HIVEP1: variants seen among roughly 807,000 people sequenced by gnomAD.
HIVEP1 encodes the protein zinc finger protein 40.
In HIVEP1, 36 loss-of-function variants were observed where a neutral mutation model predicts 180.0. The observed-to-expected ratio is 0.20, with a 90% CI of 0.15 to 0.26. The LOEUF (loss-of-function observed/expected upper bound fraction) is 0.26, where lower values mean the gene tolerates loss of function less well. Ranked by LOEUF, HIVEP1 falls within the 10% of genes least tolerant of loss-of-function variation. HIVEP1 has a pLI of 1.00. For missense variants in HIVEP1, 3,143 were observed against 3,268.7 expected (o/e 0.96, Z 0.94); for synonymous variants, 1,239 against 1,239.0 (o/e 1.00, Z 0.00).
intron 4 of HIVEP1, among the ~76,000 whole-genome samples, chr6:12,128,741 T>C (rs1219096554): frequency 1.3e-5 from 2 of 152,034 alleles, no homozygotes; most frequent in Non-Finnish European, 2.9e-5. Flanking sequence ...CATAAGGTGG[T>C]ATTATATTAT....
chr6:12,081,502 A>G (rs1191281172), intron 2 of HIVEP1, among the ~76,000 whole-genome samples: 1 of 151,904 alleles, frequency 6.6e-6, no homozygotes, highest in African/African-American at 2.4e-5. Context: ...TTCACCTAAC[A>G]TTCCTTCTGT....
chr6:12,198,992 G>A, the HIVEP1 span, among the ~76,000 whole-genome samples: 6 of 152,210 alleles, frequency 3.9e-5, no homozygotes, highest in Middle Eastern at 3.2e-3. Flanking sequence ...GGTGGCTTGA[G>A]CCAGGATGTC....
intron 3 of HIVEP1, among the ~76,000 whole-genome samples, chr6:12,092,275 A>G (rs181709780): frequency 2.3e-4 from 35 of 152,260 alleles, no homozygotes; most frequent in Admixed American, 1.2e-3. Context: ...CCCCCAAACA[A>G]TATATTTTCT....
chr6:12,045,484 GC>G (rs780676077), intron 2 of HIVEP1, among the ~76,000 whole-genome samples: 2 of 152,240 alleles, frequency 1.3e-5, no homozygotes, highest in African/African-American at 2.4e-5. Context: ...TAGAAAGGAG[GC>G]CCAGGACCAC....
In HIVEP1 at chr6:12,026,606, G is replaced by T. The variant is rs537539691; in HGVS notation, c.40+10938G>T. Among the ~76,000 whole-genome samples, 8 of 152,274 alleles carry T rather than the reference G, an allele frequency of 5.3e-5. No individual in the cohort carries two copies. The South Asian group carries it at 1.5e-3, about 28-fold the overall frequency. On this transcript the variant is annotated intron_variant, in intron 2 of 8. Transcript: ENST00000379388. ...TTTATGGTAATTATAAAATTACCAG[G>T]TCAAGGTCTTTTATACTGCCAGGTG...
At chr6:12,011,491 C>T (rs1767298731), upstream of HIVEP1, among the ~76,000 whole-genome samples, 1 of 151,426 alleles carries the variant, frequency 6.6e-6, no homozygotes, top group Non-Finnish European at 1.5e-5. Flanking sequence ...TGGCCGGGCC[C>T]GCCCCTCCGC....
At chr6:12,052,393 A>C (rs1035757751) in intron 2 of HIVEP1, among the ~76,000 whole-genome samples, 1 of 152,226 alleles carries the variant, frequency 6.6e-6, no homozygotes, top group Non-Finnish European at 1.5e-5. Flanking sequence ...CATTTAAAAA[A>C]TTAATGTTCT....
intron 6 of HIVEP1, among the ~76,000 whole-genome samples, chr6:12,132,942 G>A (rs1453979211): frequency 6.6e-6 from 1 of 152,014 alleles, no homozygotes; most frequent in Non-Finnish European, 1.5e-5. Context: ...TTAAATAATA[G>A]TAGACCTTTT....
Position 12,164,503 on chromosome 6 carries a change from A to C in HIVEP1, c.*42A>C. ...TTTGCTTTTTTTTTATATAACACTT[A>C]AAGGTTTCTTTGAAAACCCTCCTTT... On this transcript the variant is annotated 3_prime_UTR_variant, in exon 9 of 9. Transcript: ENST00000379388. 1.4e-6 allele frequency: 2 copies of C among 1,453,498 alleles called. No individual in the cohort carries two copies. Among genetic ancestry groups the C allele is most frequent in the Non-Finnish European group, 9.3e-7 (1 of 1,078,956 alleles). The allele number at this position is 1,453,498 out of a possible 1,614,324, so 90.0% of individuals were successfully genotyped here.
At chr6:12,057,552 C>G (rs1770960563) in intron 2 of HIVEP1, among the ~76,000 whole-genome samples, 2 of 152,078 alleles carry the variant, frequency 1.3e-5, no homozygotes, top group South Asian at 4.1e-4. Context: ...AAGAGGTTAC[C>G]TCCATTGTTC....
chr6:12,018,125 T>C (rs1337848053), intron 2 of HIVEP1, among the ~76,000 whole-genome samples: 1 of 152,218 alleles, frequency 6.6e-6, no homozygotes, highest in Non-Finnish European at 1.5e-5. Context: ...CCGGCACTGC[T>C]GGGGGACCTG....
In HIVEP1 at chr6:12,125,844, A is replaced by T; in HGVS notation, c.6049A>T (p.Ser2017Cys). 1 of 1,605,168 alleles carries T rather than the reference A, an allele frequency of 6.2e-7. No homozygotes were observed. Among genetic ancestry groups the T allele is most frequent in the Non-Finnish European group, 8.5e-7 (1 of 1,176,028 alleles). ...HSKSDLLVYS[S>C]KWKSSLSKRA... ...CAAGTCAGACTTATTGGTCTATTCA[A>T]GCAAGTGGAAAAGCAGCTTAAGCAA... The change falls in exon 4 of 9, where the codon AGC becomes TGC. Residue 2017 changes from serine (S) to cysteine (C), a missense_variant. This residue lies in a region of HIVEP1 where 1,357 missense variants were observed against 1,260.5 expected (regional missense o/e 1.08). Coordinates refer to ENST00000379388, the MANE Select transcript of HIVEP1 (RefSeq NM_002114.4).
At chr6:12,069,424 C>A (rs570722785) in intron 2 of HIVEP1, among the ~76,000 whole-genome samples, 3 of 151,968 alleles carry the variant, frequency 2.0e-5, no homozygotes, top group Non-Finnish European at 4.4e-5. Flanking sequence ...CTGCACGCTA[C>A]TGTAGACTTT....
intron 2 of HIVEP1, among the ~76,000 whole-genome samples, chr6:12,024,249 A>ATTTTTT (rs201215779): frequency 1.5e-5 from 2 of 134,862 alleles, no homozygotes; most frequent in African/African-American, 2.7e-5. Context: ...ATTGATTTTG[A>ATTTTTT]TTTTTTTTTT....
chr6:12,098,614 A>G (rs1773910326), intron 3 of HIVEP1, among the ~76,000 whole-genome samples: 1 of 152,222 alleles, frequency 6.6e-6, no homozygotes, highest in Non-Finnish European at 1.5e-5. Context: ...GCCTACGTAG[A>G]GATTTGCTCT....
In HIVEP1 at chr6:12,123,199, T is replaced by A; in HGVS notation, c.3404T>A (p.Val1135Asp). 1 of 1,614,192 alleles carries A rather than the reference T, an allele frequency of 6.2e-7. No homozygotes were observed. The highest frequency in any genetic ancestry group is 8.5e-7 in the Non-Finnish European group (1 of 1,180,022). ...CAGAGACACGGAACTGGAATCTCTG[T>A]CATCCAGCACACCAACTCCCTGAGC... The part of the protein sequence containing the change: ...ELQRHGTGIS[V>D]IQHTNSLSRP... The change falls in exon 4 of 9, where the codon GTC (valine) becomes GAC (aspartate). Residue 1135 changes from valine to aspartate, a missense_variant. Coordinates refer to ENST00000379388, the MANE Select transcript of HIVEP1 (RefSeq NM_002114.4).
the HIVEP1 span, among the ~76,000 whole-genome samples, chr6:12,183,471 A>T: frequency 6.6e-6 from 1 of 152,180 alleles, no homozygotes; most frequent in Admixed American, 6.5e-5. Context: ...GTTCTTGGAG[A>T]TATGTTCTAC....
chr6:12,193,613 T>C, the HIVEP1 span, among the ~76,000 whole-genome samples: 1 of 123,442 alleles, frequency 8.1e-6, no homozygotes, highest in African/African-American at 2.6e-5. Flanking sequence ...AGATCAAACA[T>C]CTTGCAATTT....
At chr6:12,022,346 A>G (rs993582192) in intron 2 of HIVEP1, among the ~76,000 whole-genome samples, 1 of 151,636 alleles carries the variant, frequency 6.6e-6, no homozygotes, top group Non-Finnish European at 1.5e-5. Flanking sequence ...AATTTTTTGT[A>G]TTTTTAGTAG....
Sources: allele counts gnomAD v4.1 joint callset (sites outside exome capture counted in the v4.1 genomes callset), GRCh38; gene constraint gnomAD v4.1.1; regional missense constraint gnomAD v4.1.1; transcripts MANE v1.5; gene names NCBI Gene and HGNC (gene_info 2026-07-23, HGNC 2026-07-21).